The following PPP1R12C variants were observed in gnomAD, a reference collection of about 807,000 sequenced individuals.
PPP1R12C encodes the protein leukocyte receptor cluster (LRC) encoded novel gene 3.
A neutral mutation model predicts 95.6 loss-of-function variants in PPP1R12C; 48 were observed. The ratio of observed to expected loss-of-function variants is 0.50; its 90% CI spans 0.40 to 0.64. The LOEUF is 0.64. PPP1R12C is among the 30% of genes least tolerant of loss of function. The pLI is 0.00. For missense variants in PPP1R12C, 1,057 were observed against 1,083.3 expected, an observed-to-expected ratio of 0.98 and a Z score of 0.34; for synonymous variants, 480 against 460.8, an observed-to-expected ratio of 1.04 and a Z score of -0.53.
At chr19:55,106,157 G>A (rs2085036173) in intron 3 of PPP1R12C, among the ~76,000 whole-genome samples, 2 of 152,068 alleles carry the variant, frequency 1.3e-5, no homozygotes, top group Admixed American at 1.3e-4. Context: ...GGTGTGTCCC[G>A]CAACACCTGA....
Position 55,095,361 on chromosome 19 carries a change from G to T in PPP1R12C, c.1387-3C>A. On this transcript the variant is annotated splice_polypyrimidine_tract_variant and splice_region_variant and intron_variant, in intron 10 of 21. Coordinates refer to ENST00000263433, the MANE Select transcript of PPP1R12C (RefSeq NM_017607.4). ...CTGGCAAGACGGAGCTCCTTGGCCT[G>T]TGTGGAGAGGAGAAGGGGAGGAAGG... 1 of 1,589,178 alleles carries T rather than the reference G, an allele frequency of 6.3e-7. No homozygotes were observed. The highest frequency in any genetic ancestry group is 8.6e-7 in the Non-Finnish European group (1 of 1,167,966).
rs371300615 is a variant in PPP1R12C at position 55,092,786 on chromosome 19, C to T, written c.1908G>A (p.Ala636=). 10 of 1,555,830 alleles carry T rather than the reference C, an allele frequency of 6.4e-6. No individual in the cohort carries two copies. In the African/African-American group the frequency reaches 6.8e-5, roughly 11 times the overall value. The change falls in exon 16 of 22, where the codon GCG becomes GCA. Residue 636 remains alanine, a synonymous_variant. Coordinates refer to ENST00000263433, the MANE Select transcript of PPP1R12C (RefSeq NM_017607.4). Reference sequence around the variant, plus strand: ...CGGCCCCACCTGAGCCCCTCACCTCCGCAGGCCCCCTCCACTCCTTTCCGA... The same window carrying T: ...CGGCCCCACCTGAGCCCCTCACCTCTGCAGGCCCCCTCCACTCCTTTCCGA... ...RKVGKEWRGP[A]EGEEAEPADR...
At chr19:55,106,663 A>T (rs1272555155) in intron 3 of PPP1R12C, among the ~76,000 whole-genome samples, 1 of 152,186 alleles carries the variant, frequency 6.6e-6, no homozygotes, top group Non-Finnish European at 1.5e-5. Context: ...TCTGCACAGG[A>T]CATGGTGCTG....
Position 55,092,475 on chromosome 19 carries a change from T to C in PPP1R12C, c.2022A>G (p.Pro674=). The change falls in exon 18 of 22, where the codon CCA becomes CCG. Residue 674 remains proline, a synonymous_variant. Transcript: ENST00000263433. ...WQRDLNPEPE[P]ESEEPDGGFR... ...AGCCTCCGTCTGGCTCTTCCGATTC[T>C]GGCTCAGGTTCTGGGTTGAGGTCCC... The C allele has an allele frequency of 6.2e-7, 1 of 1,610,172 alleles. No homozygotes were observed. The highest frequency in any genetic ancestry group is 8.5e-7 in the Non-Finnish European group (1 of 1,178,602).
intron 6 of PPP1R12C, chr19:55,096,864 C>T (rs1199047331): frequency 1.5e-5 from 3 of 200,668 alleles, no homozygotes; most frequent in Non-Finnish European, 2.9e-5. Context: ...AGTTCACCAC[C>T]GTCTTCGCCC....
At chr19:55,112,331 G>A in intron 3 of PPP1R12C, 136 bp downstream of exon 3, 1 of 768,796 alleles carries the variant, frequency 1.3e-6, no homozygotes, top group Non-Finnish European at 2.0e-6. Context: ...CACAGGTGAG[G>A]AAACTGAGGC....
At chr19:55,113,157 G>T in intron 1 of PPP1R12C, 1 of 499,620 alleles carries the variant, frequency 2.0e-6, no homozygotes, top group East Asian at 3.1e-5. Context: ...GCTCAGACTA[G>T]GGAAGAGGTT....
chr19:55,097,119 C>A, intron 6 of PPP1R12C: 1 of 232,870 alleles, frequency 4.3e-6, no homozygotes, highest in Non-Finnish European at 7.9e-6. Flanking sequence ...AGTTCACCAC[C>A]GTCTTCACCC....
intron 18 of PPP1R12C, 25 bp from the exon 19 acceptor site, chr19:55,092,351 A>G: frequency 7.4e-7 from 1 of 1,352,726 alleles, no homozygotes; most frequent in Non-Finnish European, 1.0e-6. Flanking sequence ...GAGGAGGGTC[A>G]GGTGGAGGAT....
In PPP1R12C at chr19:55,095,427, G is replaced by A. The variant is rs367779178; in HGVS notation, c.1386+18C>T. The A allele has an allele frequency of 3.2e-6, 5 of 1,560,654 alleles. No homozygotes were observed. The highest frequency in any genetic ancestry group is 1.4e-5 in the African/African-American group (1 of 73,410). ...TGGGCAGGGGCCTGGGCCTGGACCCGGCCCAACCCTCACTCACCTGAGTGG... is the reference window on the plus strand; with the variant it reads ...TGGGCAGGGGCCTGGGCCTGGACCCAGCCCAACCCTCACTCACCTGAGTGG... On this transcript the variant is annotated intron_variant, in intron 10 of 21. Coordinates refer to ENST00000263433, the MANE Select transcript of PPP1R12C (RefSeq NM_017607.4).
intron 6 of PPP1R12C, chr19:55,097,130 C>T (rs1422621438): frequency 8.2e-6 from 2 of 242,752 alleles, no homozygotes; most frequent in African/African-American, 6.3e-5. Context: ...GTCTTCACCC[C>T]TTCCCCACGC....
intron 1 of PPP1R12C, chr19:55,115,598 G>A (rs1238160548): frequency 7.0e-6 from 1 of 143,720 alleles, no homozygotes; most frequent in Non-Finnish European, 1.5e-5. Context: ...TCCATCGTAA[G>A]CAAACCTTAG....
At chr19:55,107,687 C>T in intron 3 of PPP1R12C, among the ~76,000 whole-genome samples, 1 of 120,780 alleles carries the variant, frequency 8.3e-6, no homozygotes, top group Non-Finnish European at 1.6e-5. Flanking sequence ...ACATCACACA[C>T]TGGGGCCTGT....
intron 4 of PPP1R12C, among the ~76,000 whole-genome samples, chr19:55,100,108 C>G (rs909469020): frequency 2.0e-5 from 3 of 152,246 alleles, no homozygotes; most frequent in Non-Finnish European, 2.9e-5. Flanking sequence ...GCACTTGCTG[C>G]TCTCAGCCGG....
intron 4 of PPP1R12C, among the ~76,000 whole-genome samples, chr19:55,102,770 T>C (rs117347377): frequency 1.5e-3 from 223 of 152,330 alleles, no homozygotes; most frequent in Middle Eastern, 6.8e-3. Context: ...ACACCATTCT[T>C]TTCCGACTTA....
intron 1 of PPP1R12C, among the ~76,000 whole-genome samples, chr19:55,116,439 G>A (rs534329667): frequency 6.6e-6 from 1 of 152,214 alleles, no homozygotes; most frequent in African/African-American, 2.4e-5. Flanking sequence ...GGGGAAGAGG[G>A]AGTGGAGGAA....
intron 6 of PPP1R12C, among the ~76,000 whole-genome samples, chr19:55,098,013 C>T (rs996913940): frequency 2.0e-5 from 3 of 152,158 alleles, no homozygotes; most frequent in East Asian, 1.9e-4. Context: ...CTCCTACATC[C>T]ATCAGCCTCC....
intron 3 of PPP1R12C, among the ~76,000 whole-genome samples, chr19:55,108,871 T>G (rs1311200226): frequency 6.6e-6 from 1 of 152,094 alleles, no homozygotes; most frequent in African/African-American, 2.4e-5. Flanking sequence ...CACCCCTGGC[T>G]AATTTTGTAT....
rs79813819 is a variant in PPP1R12C at position 55,100,342 on chromosome 19, G to C, written c.732-1247C>G. Reference sequence around the variant, plus strand: ...ATTTTTGGTTCTCACAACCAGGGATGCTCCCAACATCCCATAGGTGGAGGC... The same window carrying C: ...ATTTTTGGTTCTCACAACCAGGGATCCTCCCAACATCCCATAGGTGGAGGC... On this transcript the variant is annotated intron_variant, in intron 4 of 21. Transcript: ENST00000263433. Among the ~76,000 whole-genome samples, 49 of 152,362 alleles carry C rather than the reference G, an allele frequency of 3.2e-4. No individual in the cohort carries two copies. In the East Asian group the frequency reaches 9.3e-3, roughly 29 times the overall value.
Sources: allele counts gnomAD v4.1 joint callset (sites outside exome capture counted in the v4.1 genomes callset), GRCh38; gene constraint gnomAD v4.1.1; transcripts MANE v1.5; gene names NCBI Gene and HGNC (gene_info 2026-07-23, HGNC 2026-07-21).